Variants in RNF150 observed in about 807,000 individuals in gnomAD.
RNF150 encodes the protein ring finger protein 150.
Under a neutral mutation model 39.3 loss-of-function variants are expected in RNF150, and 24 were observed. The observed-to-expected ratio is 0.61, with a 90% CI of 0.44 to 0.86. RNF150 has a LOEUF of 0.86. Among genes scored for constraint, RNF150 ranks in the 40% least tolerant of loss-of-function variants. RNF150 has a pLI of 0.00. For missense variants in RNF150, 502 were observed against 587.8 expected (o/e 0.85, Z 1.51); for synonymous variants, 255 against 227.3 (o/e 1.12, Z -1.10).
intron 1 of RNF150, among the ~76,000 whole-genome samples, chr4:141,010,020 T>A (rs73858474): frequency 0.076 from 11,541 of 152,268 alleles, 492 homozygotes; most frequent in Middle Eastern, 0.16. Context: ...TTTGCTTTCC[T>A]AAAAGCTTGT....
At chr4:141,103,706 A>G (rs967392506) in intron 1 of RNF150, among the ~76,000 whole-genome samples, 3 of 149,858 alleles carry the variant, frequency 2.0e-5, no homozygotes, top group African/African-American at 7.3e-5. Flanking sequence ...AAAGTATTAT[A>G]TAACCCTCTG....
chr4:141,011,147 T>C (rs1237571482), intron 1 of RNF150, among the ~76,000 whole-genome samples: 3 of 152,092 alleles, frequency 2.0e-5, no homozygotes, highest in Non-Finnish European at 2.9e-5. Flanking sequence ...ATAATACTGA[T>C]ATATAAATAG....
At chr4:140,968,357 A>G (rs936337710) in intron 1 of RNF150, among the ~76,000 whole-genome samples, 1 of 152,070 alleles carries the variant, frequency 6.6e-6, no homozygotes, top group Non-Finnish European at 1.5e-5. Flanking sequence ...ATTCAACTAT[A>G]GATCTCTCTA....
chr4:141,106,276 T>C (rs2111048520), intron 1 of RNF150, among the ~76,000 whole-genome samples: 1 of 152,312 alleles, frequency 6.6e-6, no homozygotes, highest in South Asian at 2.1e-4. Context: ...TATAACCTTA[T>C]TGAAGAAAAC....
At chr4:141,154,648 A>G (rs1354468389) in intron 1 of RNF150, among the ~76,000 whole-genome samples, 1 of 152,244 alleles carries the variant, frequency 6.6e-6, no homozygotes, top group African/African-American at 2.4e-5. Context: ...AAACTTAAGC[A>G]GCTATACTTA....
At chr4:140,939,809 T>C (rs575470112) in intron 4 of RNF150, among the ~76,000 whole-genome samples, 26 of 152,328 alleles carry the variant, frequency 1.7e-4, no homozygotes, top group African/African-American at 5.8e-4. Flanking sequence ...AATACATATG[T>C]ATCCATCAGC....
At chr4:140,899,974 C>CTCTCTGTGTG (rs1365683071) in intron 6 of RNF150, among the ~76,000 whole-genome samples, 12 of 69,166 alleles carry the variant, frequency 1.7e-4, no homozygotes, top group African/African-American at 5.2e-4. Flanking sequence ...CTCTCTCTCT[C>CTCTCTGTGTG]TGTGTGTGTG....
At chr4:141,156,870 G>A (rs1442830827) in intron 1 of RNF150, among the ~76,000 whole-genome samples, 1 of 151,914 alleles carries the variant, frequency 6.6e-6, no homozygotes, top group Non-Finnish European at 1.5e-5. Flanking sequence ...TTGCACCACA[G>A]CACTCCAGTC....
chr4:140,885,597 C>T (rs757649373), intron 6 of RNF150, among the ~76,000 whole-genome samples: 36 of 151,384 alleles, frequency 2.4e-4, no homozygotes, highest in Non-Finnish European at 5.0e-4. Flanking sequence ...CCACTATGCC[C>T]GGCTAGTTTT....
intron 1 of RNF150, among the ~76,000 whole-genome samples, chr4:140,968,494 C>G (rs868735263): frequency 6.6e-6 from 1 of 151,762 alleles, no homozygotes; most frequent in South Asian, 2.1e-4. Context: ...CTTATTTTAC[C>G]TAATTCAATG....
intron 4 of RNF150, among the ~76,000 whole-genome samples, chr4:140,935,092 AATAT>A (rs1180904026): frequency 1.5e-5 from 2 of 132,818 alleles, no homozygotes; most frequent in African/African-American, 5.8e-5. Context: ...ATATATAATA[AATAT>A]ATATATAAAG....
In RNF150 at chr4:140,925,960, G is replaced by A; in HGVS notation, c.987+17C>T. ...GAAAGACAGACATTATAATGCTGTA[G>A]GCTGTGCTGTGCTTACCGGGATCCC... On this transcript the variant is annotated intron_variant, in intron 5 of 6. Coordinates refer to ENST00000515673, the MANE Select transcript of RNF150 (RefSeq NM_020724.2). 6.5e-7 allele frequency: 1 copy of A among 1,545,178 alleles called. No homozygotes were observed. Among genetic ancestry groups the A allele is most frequent in the Non-Finnish European group, 9.0e-7 (1 of 1,117,100 alleles).
intron 1 of RNF150, among the ~76,000 whole-genome samples, chr4:140,998,192 T>A (rs570735762): frequency 6.6e-6 from 1 of 152,360 alleles, no homozygotes; most frequent in East Asian, 1.9e-4. Flanking sequence ...GGCTGGGTCA[T>A]GTTATTGACC....
chr4:140,949,291 C>T lies in RNF150; in HGVS notation c.807+10G>A. ...AGCTCCTCACCAAAAAGAAAAGAGG[C>T]TGCTATTACCTTGTCACCCTTCTTG... On this transcript the variant is annotated intron_variant, in intron 3 of 6. Coordinates refer to ENST00000515673, the MANE Select transcript of RNF150 (RefSeq NM_020724.2). 6.3e-7 allele frequency: 1 copy of T among 1,599,214 alleles called. No homozygotes were observed. Among genetic ancestry groups the T allele is most frequent in the Non-Finnish European group, 8.5e-7 (1 of 1,171,732 alleles).
chr4:141,150,530 G>A (rs1171886921), intron 1 of RNF150, among the ~76,000 whole-genome samples: 1 of 152,304 alleles, frequency 6.6e-6, no homozygotes, highest in Middle Eastern at 3.4e-3. Context: ...TAAAACACAA[G>A]TCTTGTGGAG....
intron 1 of RNF150, among the ~76,000 whole-genome samples, chr4:141,110,781 T>C (rs1490761650): frequency 6.6e-6 from 1 of 152,058 alleles, no homozygotes; most frequent in African/African-American, 2.4e-5. Context: ...TCCATTTGTT[T>C]ATCTTTTGTT....
chr4:140,919,449 G>A (rs1560966860), intron 5 of RNF150, among the ~76,000 whole-genome samples: 1 of 144,960 alleles, frequency 6.9e-6, no homozygotes, highest in Non-Finnish European at 1.5e-5. Context: ...GCTTCAAAGA[G>A]AATAAAATAC....
chr4:141,192,728 G>C (rs1728130243), intron 1 of RNF150, among the ~76,000 whole-genome samples: 2 of 152,222 alleles, frequency 1.3e-5, no homozygotes, highest in South Asian at 4.2e-4. Context: ...ACCCTGCCAG[G>C]GTATAATCCC....
intron 1 of RNF150, among the ~76,000 whole-genome samples, chr4:141,167,308 G>GT (rs1727622432): frequency 8.7e-6 from 1 of 114,468 alleles, no homozygotes; most frequent in African/African-American, 2.9e-5. Context: ...ACACAAACAA[G>GT]TGGAAAAACA....
Sources: gnomAD v4.1 joint callset for allele counts (sites outside exome capture counted in the v4.1 genomes callset) on GRCh38, gnomAD v4.1.1 for gene constraint, MANE v1.5 for transcripts, NCBI Gene and HGNC (gene_info 2026-07-23, HGNC 2026-07-21) for gene names.